NCKAP5: variants seen among roughly 807,000 people sequenced by gnomAD.
NCKAP5 encodes NCK associated protein 5, also known as nck-associated protein 5.
Under a neutral mutation model 167.0 loss-of-function variants are expected in NCKAP5, and 92 were observed. The observed-to-expected ratio is 0.55, with a 90% confidence interval of 0.47 to 0.66. NCKAP5 has a LOEUF of 0.66. Ranked by LOEUF, NCKAP5 falls within the 30% of genes least tolerant of loss-of-function variation. NCKAP5 has a pLI of 0.00. For missense variants in NCKAP5, 2,378 were observed against 2,315.0 expected, an observed-to-expected ratio of 1.03 and a Z score of -0.56; for synonymous variants, 891 against 877.4, an observed-to-expected ratio of 1.02 and a Z score of -0.27.
chr2:132,699,326 T>G (rs1687649970), intron 19 of NCKAP5, among the ~76,000 whole-genome samples: 1 of 152,190 alleles, frequency 6.6e-6, no homozygotes, highest in Non-Finnish European at 1.5e-5. Flanking sequence ...TCTTTTGACA[T>G]GATAGATTTT....
At chr2:133,361,785 T>G (rs1011137516) in intron 3 of NCKAP5, among the ~76,000 whole-genome samples, 18 of 152,188 alleles carry the variant, frequency 1.2e-4, no homozygotes, top group African/African-American at 4.3e-4. Flanking sequence ...GAAAAGACCA[T>G]TAACAAATAT....
chr2:133,155,568 G>T (rs2083545799), intron 5 of NCKAP5, among the ~76,000 whole-genome samples: 1 of 152,148 alleles, frequency 6.6e-6, no homozygotes, highest in African/African-American at 2.4e-5. Context: ...TGTCAAATTG[G>T]CTAGGCCACC....
intron 6 of NCKAP5, among the ~76,000 whole-genome samples, chr2:133,021,712 C>G (rs116349018): frequency 0.027 from 4,135 of 152,276 alleles, 160 homozygotes; most frequent in African/African-American, 0.092. Context: ...GTTCACTACA[C>G]CTCTGCCTCC....
chr2:132,985,897 T>C (rs185270158), intron 7 of NCKAP5, among the ~76,000 whole-genome samples: 1 of 152,298 alleles, frequency 6.6e-6, no homozygotes, highest in African/African-American at 2.4e-5. Context: ...AAAAATACTT[T>C]ATAACCTTAT....
intron 5 of NCKAP5, among the ~76,000 whole-genome samples, chr2:133,189,577 T>G (rs2085113640): frequency 6.6e-6 from 1 of 152,104 alleles, no homozygotes; most frequent in Non-Finnish European, 1.5e-5. Flanking sequence ...ATCAAAAAGC[T>G]TATCCACCAC....
chr2:132,870,001 C>A (rs1690679192), intron 9 of NCKAP5, among the ~76,000 whole-genome samples: 1 of 152,122 alleles, frequency 6.6e-6, no homozygotes, highest in Admixed American at 6.6e-5. Context: ...CTTGAGACAG[C>A]AGAAGAACCT....
At chr2:132,727,347 C>A (rs1345320749) in intron 18 of NCKAP5, among the ~76,000 whole-genome samples, 4 of 152,182 alleles carry the variant, frequency 2.6e-5, no homozygotes, top group Non-Finnish European at 5.9e-5. Flanking sequence ...TTACAGCTCT[C>A]AATTTTCTCA....
intron 8 of NCKAP5, among the ~76,000 whole-genome samples, chr2:132,879,444 C>G (rs1691579204): frequency 1.3e-5 from 2 of 152,326 alleles, no homozygotes; most frequent in East Asian, 3.9e-4. Flanking sequence ...TAAGCATCCC[C>G]TTCCCCACAC....
chr2:132,684,255 G>T (rs1451615260), intron 19 of NCKAP5, among the ~76,000 whole-genome samples: 3 of 152,220 alleles, frequency 2.0e-5, no homozygotes, highest in Admixed American at 6.5e-5. Context: ...ATTGCTATGA[G>T]AATTAAATAT....
intron 8 of NCKAP5, among the ~76,000 whole-genome samples, chr2:132,961,318 A>AT (rs201228195): frequency 3.4e-5 from 5 of 147,474 alleles, no homozygotes; most frequent in African/African-American, 1.0e-4. Flanking sequence ...ACATCTATAT[A>AT]TAAGAAGATA....
At chr2:133,162,745 G>A (rs1312923008) in intron 5 of NCKAP5, among the ~76,000 whole-genome samples, 1 of 151,516 alleles carries the variant, frequency 6.6e-6, no homozygotes, top group Non-Finnish European at 1.5e-5. Flanking sequence ...ACAATACATA[G>A]TCTTATAAGA....
intron 19 of NCKAP5, among the ~76,000 whole-genome samples, chr2:132,717,870 C>T (rs1212534969): frequency 2.0e-5 from 3 of 152,182 alleles, no homozygotes; most frequent in African/African-American, 7.2e-5. Flanking sequence ...TTTTACCTGA[C>T]CATTGCATTT....
chr2:133,212,557 AG>A (rs1392965808), intron 5 of NCKAP5, among the ~76,000 whole-genome samples: 6 of 152,138 alleles, frequency 3.9e-5, no homozygotes, highest in Admixed American at 3.3e-4. Context: ...TAGTAGAGAC[AG>A]GGTATCACCA....
chr2:132,934,614 C>T (rs1696701976), intron 8 of NCKAP5, among the ~76,000 whole-genome samples: 1 of 151,990 alleles, frequency 6.6e-6, no homozygotes. Flanking sequence ...TGACCCCACA[C>T]TAAAACTATG....
At chr2:133,541,634 C>T (rs1017480397) in intron 2 of NCKAP5, among the ~76,000 whole-genome samples, 24 of 151,784 alleles carry the variant, frequency 1.6e-4, no homozygotes, top group African/African-American at 5.3e-4. Context: ...TGGCTGAGTT[C>T]TCAGCAATGG....
chr2:133,435,641 G>A (rs537386279), intron 3 of NCKAP5, among the ~76,000 whole-genome samples: 1 of 152,164 alleles, frequency 6.6e-6, no homozygotes, highest in Admixed American at 6.5e-5. Flanking sequence ...GTTAGAGAAG[G>A]TGCTGGCCTA....
chr2:133,532,037 C>T (rs956224010), intron 2 of NCKAP5, among the ~76,000 whole-genome samples: 5 of 152,144 alleles, frequency 3.3e-5, no homozygotes, highest in Admixed American at 6.5e-5. Context: ...TATGCATAAA[C>T]CTAGAACGAT....
rs538392153 is a variant in NCKAP5, at chr2:133,149,432, C to T, written c.208-19321G>A. ...CTCCATACTTCCCTAAACGAAGTACCACTCCCATCCCCACCCCACCCCCAC... is the reference window on the plus strand; with the variant it reads ...CTCCATACTTCCCTAAACGAAGTACTACTCCCATCCCCACCCCACCCCCAC... On this transcript the variant is annotated intron_variant, in intron 5 of 19. Coordinates refer to ENST00000409261, the MANE Select transcript of NCKAP5 (RefSeq NM_207363.3). 8.5e-5 allele frequency among the ~76,000 whole-genome samples: 13 copies of T among 152,116 alleles called. No individual in the cohort carries two copies. The East Asian group carries it at 2.5e-3, about 29-fold the overall frequency.
chr2:133,152,417 T>G (rs1319636216), intron 5 of NCKAP5, among the ~76,000 whole-genome samples: 1 of 152,204 alleles, frequency 6.6e-6, no homozygotes, highest in East Asian at 1.9e-4. Flanking sequence ...CTTAAGTTAC[T>G]TTACTCCTGT....
Sources: allele counts gnomAD v4.1 joint callset (sites outside exome capture counted in the v4.1 genomes callset), GRCh38; gene constraint gnomAD v4.1.1; transcripts MANE v1.5; gene names NCBI Gene and HGNC (gene_info 2026-07-23, HGNC 2026-07-21).